PXDNL: variants seen among roughly 807,000 people sequenced by gnomAD.
The protein encoded by PXDNL is probable oxidoreductase PXDNL.
A neutral mutation model predicts 150.8 loss-of-function variants in PXDNL; 145 were observed. That is an observed-to-expected ratio of 0.96 (90% CI 0.84 to 1.10). The LOEUF (loss-of-function observed/expected upper bound fraction) is 1.10, where lower values mean the gene tolerates loss of function less well. Ranked by LOEUF, PXDNL falls within the 50% of genes least tolerant of loss-of-function variation. PXDNL has a pLI of 0.00. For synonymous variants in PXDNL, 757 were observed against 725.7 expected (o/e 1.04, Z -0.69); for missense variants, 2,087 against 1,873.9 (o/e 1.11, Z -2.10).
At chr8:51,390,668 C>T (rs1009100534) in intron 17 of PXDNL, among the ~76,000 whole-genome samples, 3 of 152,024 alleles carry the variant, frequency 2.0e-5, no homozygotes, top group African/African-American at 7.2e-5. Flanking sequence ...TTCAGGTTCT[C>T]TGAGGATCGC....
At chr8:51,326,874 G>A (rs181624102) in intron 21 of PXDNL, among the ~76,000 whole-genome samples, 1 of 152,242 alleles carries the variant, frequency 6.6e-6, no homozygotes, top group East Asian at 1.9e-4. Context: ...TAGGAGTATT[G>A]CAGATGTAAC....
chr8:51,409,334 G>T lies in PXDNL; in HGVS notation c.2290C>A (p.Pro764Thr). The stretch of plus-strand genomic sequence containing the variant: ...CCCACAGGAAGGCCGAGCCCGCGGG[G>T]CGCGCGGATGCCGTCCCGGTAGGCT... ...QPAYRDGIRA[P>T]RGLGLPVGSR... The change falls in exon 17 of 23, where the codon CCC becomes ACC. Residue 764 changes from proline (P) to threonine (T), a missense_variant. Pro to Thr is a conservative substitution (Grantham distance 38, BLOSUM62 -1). Transcript: ENST00000356297. 2.1e-6 allele frequency: 3 copies of T among 1,463,160 alleles called. No homozygotes were observed. Among genetic ancestry groups the T allele is most frequent in the African/African-American group, 2.9e-5 (2 of 68,320 alleles). 90.6% of individuals were successfully genotyped at this position (1,463,160 alleles called of 1,614,324 possible). A position where few individuals can be genotyped will look rare whatever the true frequency, so the allele number is the denominator to read the frequency against.
At chr8:51,403,631 T>C (rs1808336957) in intron 17 of PXDNL, among the ~76,000 whole-genome samples, 2 of 152,296 alleles carry the variant, frequency 1.3e-5, no homozygotes, top group Middle Eastern at 3.4e-3. Context: ...TTCTCATGTA[T>C]CTCAAATGTC....
chr8:51,697,041 C>T (rs1261967638), intron 1 of PXDNL, among the ~76,000 whole-genome samples: 3 of 152,166 alleles, frequency 2.0e-5, no homozygotes, highest in Non-Finnish European at 4.4e-5. Context: ...CAGTGGCTCA[C>T]ACCTGTAATC....
intron 1 of PXDNL, among the ~76,000 whole-genome samples, chr8:51,757,982 AT>A (rs2037120450): frequency 6.6e-6 from 1 of 152,212 alleles, no homozygotes; most frequent in African/African-American, 2.4e-5. Context: ...CCAATTAAAT[AT>A]AAAAAACTGA....
At chr8:51,598,351 A>G (rs988106217) in intron 2 of PXDNL, among the ~76,000 whole-genome samples, 11 of 152,128 alleles carry the variant, frequency 7.2e-5, no homozygotes, top group African/African-American at 2.7e-4. Context: ...CCTGTTCAGT[A>G]TGATGTTGGC....
chr8:51,330,308 A>G (rs909556156), intron 21 of PXDNL, among the ~76,000 whole-genome samples: 2 of 152,212 alleles, frequency 1.3e-5, no homozygotes, highest in Non-Finnish European at 2.9e-5. Context: ...AGATATGTCA[A>G]TAGTAACTTC....
chr8:51,508,300 T>G (rs1157384234), intron 4 of PXDNL, among the ~76,000 whole-genome samples: 3 of 152,274 alleles, frequency 2.0e-5, no homozygotes, highest in Middle Eastern at 3.4e-3. Flanking sequence ...AACTGTGAAA[T>G]GTAAGAGAAA....
chr8:51,559,332 C>A (rs1563464247), intron 3 of PXDNL, among the ~76,000 whole-genome samples: 4 of 31,328 alleles, frequency 1.3e-4, no homozygotes, highest in Non-Finnish European at 1.4e-4. Context: ...TCTTCCAAAC[C>A]CCCCCCCCCC....
intron 17 of PXDNL, among the ~76,000 whole-genome samples, chr8:51,377,559 C>T (rs1380919841): frequency 2.0e-5 from 3 of 152,200 alleles, no homozygotes; most frequent in Admixed American, 6.5e-5. Context: ...AGGGTGCTTG[C>T]GGGCCAGCGC....
In PXDNL at chr8:51,612,629, T is replaced by A. The variant is rs540387529; in HGVS notation, c.237-19931A>T. ...GTCATGAGGGAGGAGCTCCCTTTAA[T>A]GGGATTAGCGCCCTTATAAAAGAGA... On this transcript the variant is annotated intron_variant, in intron 2 of 22. Transcript: ENST00000356297. 3.3e-5 allele frequency among the ~76,000 whole-genome samples: 5 copies of A among 152,202 alleles called. No individual in the cohort carries two copies. The East Asian group carries it at 9.7e-4, about 30-fold the overall frequency.
At chr8:51,482,149 CAG>C (rs1346992637) in intron 6 of PXDNL, among the ~76,000 whole-genome samples, 1 of 152,218 alleles carries the variant, frequency 6.6e-6, no homozygotes, top group African/African-American at 2.4e-5. Context: ...GCCACAGGAG[CAG>C]AGCTGCCCAA....
Position 51,731,533 on chromosome 8 carries a change from T to C in PXDNL, c.165-76773A>G, listed in dbSNP as rs57170351. Among the ~76,000 whole-genome samples the C allele has an allele frequency of 3.6e-3, 548 of 152,312 alleles. 5 individuals are homozygous for C. Among genetic ancestry groups the C allele is most frequent in the African/African-American group, 0.013 (520 of 41,576 alleles). ...TATCCGTGGAACTACCATTTTGGGGTCCGGAGGACGGTGGCCCTCTTCTCA... is the reference window on the plus strand; with the variant it reads ...TATCCGTGGAACTACCATTTTGGGGCCCGGAGGACGGTGGCCCTCTTCTCA... On this transcript the variant is annotated intron_variant, in intron 1 of 22. Coordinates refer to ENST00000356297, the MANE Select transcript of PXDNL (RefSeq NM_144651.5).
rs1365106414 is a variant in PXDNL at position 51,744,918 on chromosome 8, GA to G, written c.164+64262del. 4.1e-3 allele frequency among the ~76,000 whole-genome samples: 512 copies of G among 123,934 alleles called. 8 individuals are homozygous for G. Among genetic ancestry groups the G allele is most frequent in the African/African-American group, 0.014 (435 of 31,948 alleles). 81.3% of individuals were successfully genotyped at this position (123,934 alleles called of 152,430 possible). The stretch of plus-strand genomic sequence containing the variant: ...GGAAAGAAGGAAGGAAGGAAGGAAG[GA>G]AAGAAAGAAAAAGAAAGAAAGAAAG... On this transcript the variant is annotated intron_variant, in intron 1 of 22. Transcript: ENST00000356297.
chr8:51,550,003 A>G (rs542988227), intron 4 of PXDNL, among the ~76,000 whole-genome samples: 2 of 152,320 alleles, frequency 1.3e-5, no homozygotes, highest in South Asian at 4.1e-4. Context: ...GGGTGATATT[A>G]AAACCAATAC....
At chr8:51,768,751 C>A (rs1036312316) in intron 1 of PXDNL, among the ~76,000 whole-genome samples, 10 of 152,108 alleles carry the variant, frequency 6.6e-5, no homozygotes, top group African/African-American at 2.4e-4. Context: ...TGTGGTATGT[C>A]CAACAACCAC....
intron 1 of PXDNL, among the ~76,000 whole-genome samples, chr8:51,676,500 C>G (rs1815625413): frequency 6.6e-6 from 1 of 152,026 alleles, no homozygotes; most frequent in African/African-American, 2.4e-5. Flanking sequence ...TGGTCTCGAA[C>G]TCGTGACCTC....
intron 5 of PXDNL, among the ~76,000 whole-genome samples, chr8:51,499,275 G>A (rs1175729947): frequency 6.6e-6 from 1 of 152,098 alleles, no homozygotes; most frequent in Non-Finnish European, 1.5e-5. Flanking sequence ...GATTACAGGA[G>A]TGTGCCACCA....
At chr8:51,532,556 A>AGTTT (rs112982321) in intron 4 of PXDNL, among the ~76,000 whole-genome samples, 44 of 152,206 alleles carry the variant, frequency 2.9e-4, no homozygotes, top group East Asian at 5.8e-4. Context: ...AGCATCTCTG[A>AGTTT]GTTTGTTTGT....
Sources: gnomAD v4.1 joint callset for allele counts (sites outside exome capture counted in the v4.1 genomes callset) on GRCh38, gnomAD v4.1.1 for gene constraint, MANE v1.5 for transcripts, NCBI Gene and HGNC (gene_info 2026-07-23, HGNC 2026-07-21) for gene names.